The following TMTC4 variants were observed in gnomAD, a reference collection of about 807,000 sequenced individuals.
TMTC4 encodes the protein transmembrane O-mannosyltransferase targeting cadherins 4.
TMTC4 carries 65 observed loss-of-function variants against 86.0 expected under a neutral mutation model. The observed-to-expected ratio is 0.76, with a 90% CI of 0.62 to 0.93. TMTC4 has a LOEUF of 0.93. Ranked by LOEUF, TMTC4 falls within the 40% of genes least tolerant of loss-of-function variation. The pLI is 0.00. For missense variants in TMTC4, 866 were observed against 948.1 expected (o/e 0.91, Z 1.14); for synonymous variants, 379 against 382.5 (o/e 0.99, Z 0.11).
rs759091468 is a variant in TMTC4 at position 100,642,204 on chromosome 13, C to T, written c.741+7G>A. ...AAAGCAGGCCCCAGCCATGTTGCGGCTCTCACCAGCACAGTGATCCCTTGC... is the reference window on the plus strand; with the variant it reads ...AAAGCAGGCCCCAGCCATGTTGCGGTTCTCACCAGCACAGTGATCCCTTGC... On this transcript the variant is annotated splice_region_variant and intron_variant, in intron 7 of 18. Coordinates refer to ENST00000342624, the MANE Select transcript of TMTC4 (RefSeq NM_032813.5). The T allele has an allele frequency of 1.2e-5, 19 of 1,613,902 alleles. No individual in the cohort carries two copies. Among genetic ancestry groups the T allele is most frequent in the Middle Eastern group, 1.6e-4 (1 of 6,082 alleles).
At chr13:100,667,368 G>A (rs1315864496) in intron 3 of TMTC4, among the ~76,000 whole-genome samples, 1 of 152,134 alleles carries the variant, frequency 6.6e-6, no homozygotes, top group African/African-American at 2.4e-5. Context: ...GGCAGAGGTT[G>A]TAGTGAGCCA....
chr13:100,660,343 AAAAAAG>A (rs1405055978), intron 5 of TMTC4, among the ~76,000 whole-genome samples: 2 of 128,066 alleles, frequency 1.6e-5, no homozygotes, highest in Non-Finnish European at 3.4e-5. Flanking sequence ...AAAAAAAAAA[AAAAAAG>A]AAAAGAAAAA....
rs778924927 is a variant in TMTC4, at chr13:100,625,628, G to A, written c.1743C>T (p.Ser581=). 4 of 1,614,192 alleles carry A rather than the reference G, an allele frequency of 2.5e-6. No homozygotes were observed. Among genetic ancestry groups the A allele is most frequent in the African/African-American group, 2.7e-5 (2 of 75,046 alleles). ...GCTCTGCTGCTTCAAACCGTTTCAGGCTATTCTGCACTATGCCTAGATTCA... is the reference window on the plus strand; with the variant it reads ...GCTCTGCTGCTTCAAACCGTTTCAGACTATTCTGCACTATGCCTAGATTCA... ...AWMNLGIVQN[S]LKRFEAAEQS... Residue 581 remains serine, a synonymous_variant, in exon 15 of 19, where the codon AGC becomes AGT. Transcript: ENST00000342624.
intron 16 of TMTC4, among the ~76,000 whole-genome samples, chr13:100,614,028 A>AAG (rs1219636192): frequency 2.0e-5 from 3 of 151,564 alleles, no homozygotes; most frequent in African/African-American, 7.3e-5. Flanking sequence ...TAGTACGGAC[A>AAG]GGGTTTCTCC....
At chr13:100,611,312 G>A (rs982715485) in intron 17 of TMTC4, among the ~76,000 whole-genome samples, 11 of 152,224 alleles carry the variant, frequency 7.2e-5, no homozygotes, top group Admixed American at 2.0e-4. Context: ...CCAGCTGGGC[G>A]TGGTGGCTCA....
intron 12 of TMTC4, among the ~76,000 whole-genome samples, chr13:100,633,289 A>C (rs1358343625): frequency 7.3e-6 from 1 of 136,566 alleles, no homozygotes; most frequent in African/African-American, 2.6e-5. Flanking sequence ...AGCCTGGGCA[A>C]CAGAGCAAGA....
At chr13:100,615,721 G>A (rs1211099009) in intron 15 of TMTC4, among the ~76,000 whole-genome samples, 7 of 152,180 alleles carry the variant, frequency 4.6e-5, no homozygotes, top group Non-Finnish European at 1.5e-5. Context: ...CCACAGTGCT[G>A]GGATTACAGG....
At chr13:100,647,020 C>T (rs1369777031) in intron 6 of TMTC4, among the ~76,000 whole-genome samples, 1 of 152,068 alleles carries the variant, frequency 6.6e-6, no homozygotes, top group Non-Finnish European at 1.5e-5. Flanking sequence ...CAAGCTTTAG[C>T]GAGAGAGCAC....
At chr13:100,612,691 ACAC>A (rs1877821375) in intron 16 of TMTC4, among the ~76,000 whole-genome samples, 181 bp from the exon 17 acceptor site, 1 of 139,130 alleles carries the variant, frequency 7.2e-6, no homozygotes, top group South Asian at 2.3e-4. Flanking sequence ...ACACACACAC[ACAC>A]GACGTTATCA....
chr13:100,641,884 T>G (rs1335635739), intron 7 of TMTC4, among the ~76,000 whole-genome samples: 1 of 152,198 alleles, frequency 6.6e-6, no homozygotes, highest in Non-Finnish European at 1.5e-5. Flanking sequence ...TGCTGAAATA[T>G]GTACAAGCAT....
intron 15 of TMTC4, among the ~76,000 whole-genome samples, chr13:100,617,378 T>A (rs1878676233): frequency 6.6e-6 from 1 of 152,154 alleles, no homozygotes; most frequent in Non-Finnish European, 1.5e-5. Flanking sequence ...CTCAAGCCAT[T>A]TGCCTGCCTT....
chr13:100,621,512 G>A (rs1291720126), intron 15 of TMTC4, among the ~76,000 whole-genome samples: 9 of 152,088 alleles, frequency 5.9e-5, no homozygotes, highest in African/African-American at 1.7e-4. Context: ...TGCAAGCTCC[G>A]CCTCCCGGGT....
At chr13:100,630,047 GTGTGTGTGTGTGTGTGTGTA>G in intron 12 of TMTC4, among the ~76,000 whole-genome samples, 1 of 151,466 alleles carries the variant, frequency 6.6e-6, no homozygotes, top group South Asian at 2.1e-4. Flanking sequence ...GTGTGTGTGT[GTGTGTGTGTGTGTGTGTGTA>G]TGTGTGTGTG....
chr13:100,633,137 C>T (rs755653532), intron 12 of TMTC4, among the ~76,000 whole-genome samples: 2 of 151,848 alleles, frequency 1.3e-5, no homozygotes, highest in Non-Finnish European at 2.9e-5. Context: ...CATAGTGAAA[C>T]CCCGTCTCTA....
chr13:100,665,070 G>GA (rs1048922153), intron 3 of TMTC4, among the ~76,000 whole-genome samples: 6 of 151,284 alleles, frequency 4.0e-5, no homozygotes, highest in African/African-American at 1.2e-4. Context: ...TATGAAATCA[G>GA]AAAAAAAACC....
In TMTC4 at chr13:100,636,738, C is replaced by A; in HGVS notation, c.1000-4G>T. The stretch of plus-strand genomic sequence containing the variant: ...AGTAGTAATTGTAGTTTACGGCCTG[C>A]CAGTCAAAAGGAGAACAAACATCTA... On this transcript the variant is annotated splice_polypyrimidine_tract_variant and splice_region_variant and intron_variant, in intron 9 of 18. Transcript: ENST00000342624. 6.2e-7 allele frequency: 1 copy of A among 1,613,464 alleles called. No individual in the cohort carries two copies.
intron 5 of TMTC4, 92 bp from the exon 6 acceptor site, chr13:100,656,560 T>G (rs1264321656): frequency 1.2e-5 from 8 of 674,334 alleles, no homozygotes; most frequent in Non-Finnish European, 1.7e-5. Flanking sequence ...TTTTTTTTTT[T>G]GCGACAGGGT....
intron 15 of TMTC4, among the ~76,000 whole-genome samples, chr13:100,621,480 C>T (rs1260384420): frequency 6.6e-6 from 1 of 152,152 alleles, no homozygotes; most frequent in Non-Finnish European, 1.5e-5. Context: ...GGCTGGAGTG[C>T]AGTGGCGCCA....
intron 17 of TMTC4, 76 bp from the exon 18 acceptor site, chr13:100,606,503 C>T (rs985081135): frequency 2.6e-5 from 33 of 1,260,472 alleles, no homozygotes; most frequent in Admixed American, 2.0e-4. Flanking sequence ...TTATCACCTA[C>T]GGTTTTCAAA....
Sources: allele counts gnomAD v4.1 joint callset (sites outside exome capture counted in the v4.1 genomes callset), GRCh38; gene constraint gnomAD v4.1.1; transcripts MANE v1.5; gene names NCBI Gene and HGNC (gene_info 2026-07-23, HGNC 2026-07-21).